Variants in ASB3 observed in about 807,000 individuals in gnomAD.
The protein encoded by ASB3 is ankyrin repeat and SOCS box protein 3.
A neutral mutation model predicts 54.5 loss-of-function variants in ASB3; 41 were observed. That is an observed-to-expected ratio of 0.75 (90% CI 0.59 to 0.98). The LOEUF is 0.98. Among genes scored for constraint, ASB3 ranks in the 50% least tolerant of loss-of-function variants. ASB3 has a pLI of 0.00. For missense variants in ASB3, 733 were observed against 620.0 expected, an observed-to-expected ratio of 1.18 and a Z score of -1.94; for synonymous variants, 266 against 221.2, an observed-to-expected ratio of 1.20 and a Z score of -1.80.
intron 9 of ASB3, among the ~76,000 whole-genome samples, chr2:53,672,668 T>A (rs182920769): frequency 2.6e-5 from 4 of 152,204 alleles, no homozygotes; most frequent in African/African-American, 9.7e-5. Flanking sequence ...GAATGCAACA[T>A]CTATGGCTTG....
At chr2:53,705,469 A>C (rs1669719047) in intron 7 of ASB3, among the ~76,000 whole-genome samples, 1 of 152,084 alleles carries the variant, frequency 6.6e-6, no homozygotes, top group Non-Finnish European at 1.5e-5. Flanking sequence ...CTTCACCTTT[A>C]CTTTTCTTTT....
intron 9 of ASB3, among the ~76,000 whole-genome samples, chr2:53,686,146 T>G (rs1668620564): frequency 6.6e-6 from 1 of 152,222 alleles, no homozygotes; most frequent in African/African-American, 2.4e-5. Flanking sequence ...CTACTCTCTA[T>G]AGCTTCCTTT....
intron 9 of ASB3, among the ~76,000 whole-genome samples, chr2:53,670,926 C>T (rs763637408): frequency 2.0e-5 from 3 of 152,104 alleles, no homozygotes; most frequent in Admixed American, 1.3e-4. Flanking sequence ...TATCCAGGGC[C>T]GCAAACACTA....
At chr2:53,691,282 G>A (rs572068983) in intron 9 of ASB3, among the ~76,000 whole-genome samples, 47 of 152,180 alleles carry the variant, frequency 3.1e-4, no homozygotes, top group African/African-American at 9.6e-4. Flanking sequence ...GAATAATTTT[G>A]ACCAAGTACA....
intron 5 of ASB3, among the ~76,000 whole-genome samples, chr2:53,721,342 C>T (rs1445567289): frequency 6.9e-6 from 1 of 145,304 alleles, no homozygotes; most frequent in African/African-American, 2.6e-5. Flanking sequence ...ATTGCCTGAG[C>T]TCAAGAGTTC....
chr2:53,714,626 C>T (rs766348723), intron 6 of ASB3, 45 bp from the exon 7 acceptor site: 9 of 1,581,322 alleles, frequency 5.7e-6, no homozygotes, highest in Non-Finnish European at 7.7e-6. Flanking sequence ...TGTATATGTG[C>T]ATAAATGTAG....
chr2:53,775,751 C>G (rs951499703), intron 1 of ASB3, among the ~76,000 whole-genome samples: 1 of 152,244 alleles, frequency 6.6e-6, no homozygotes, highest in African/African-American at 2.4e-5. Flanking sequence ...GCTAGGATTA[C>G]AGGTGTGAGC....
At chr2:53,728,649 C>T in intron 5 of ASB3, 63 bp downstream of exon 5, 2 of 1,385,842 alleles carry the variant, frequency 1.4e-6, no homozygotes, top group South Asian at 2.2e-5. Flanking sequence ...AGAATTATTC[C>T]TCTAGGAAAT....
intron 2 of ASB3, among the ~76,000 whole-genome samples, chr2:53,762,715 C>T (rs1378257936): frequency 6.6e-6 from 1 of 152,170 alleles, no homozygotes; most frequent in Non-Finnish European, 1.5e-5. Flanking sequence ...AATCTCAACA[C>T]CCATTACACC....
At chr2:53,716,952 C>T (rs1246520343) in intron 5 of ASB3, among the ~76,000 whole-genome samples, 4 of 152,134 alleles carry the variant, frequency 2.6e-5, no homozygotes, top group Non-Finnish European at 4.4e-5. Context: ...CAGGGTAGCT[C>T]ATGCCTGGAA....
chr2:53,677,168 C>T (rs1668125242), intron 9 of ASB3, among the ~76,000 whole-genome samples: 1 of 152,184 alleles, frequency 6.6e-6, no homozygotes, highest in African/African-American at 2.4e-5. Context: ...ACATGCTGTA[C>T]AAGTTTGTGG....
At chr2:53,780,865 T>C (rs1391883747) in intron 1 of ASB3, among the ~76,000 whole-genome samples, 2 of 152,134 alleles carry the variant, frequency 1.3e-5, no homozygotes, top group South Asian at 2.1e-4. Context: ...GAAAGCTTCA[T>C]AGAAAAAACA....
At chr2:53,749,990 C>T (rs1672430349) in intron 3 of ASB3, among the ~76,000 whole-genome samples, 1 of 152,042 alleles carries the variant, frequency 6.6e-6, no homozygotes, top group Admixed American at 6.5e-5. Context: ...TCACAGACAA[C>T]TCATTTCATT....
intron 9 of ASB3, among the ~76,000 whole-genome samples, chr2:53,678,208 C>G (rs1056416227): frequency 6.6e-6 from 1 of 152,048 alleles, no homozygotes; most frequent in Non-Finnish European, 1.5e-5. Context: ...CAGTACACAA[C>G]ACAGTATTTT....
intron 3 of ASB3, among the ~76,000 whole-genome samples, chr2:53,733,602 C>T (rs980843922): frequency 4.6e-5 from 7 of 152,068 alleles, no homozygotes; most frequent in Non-Finnish European, 1.0e-4. Flanking sequence ...ACACCACACC[C>T]ACCTAATTTT....
chr2:53,688,864 C>G (rs1012231487), intron 9 of ASB3, among the ~76,000 whole-genome samples: 1 of 151,820 alleles, frequency 6.6e-6, no homozygotes, highest in Non-Finnish European at 1.5e-5. Context: ...AGCAAACCAC[C>G]AGAGCACGTG....
intron 7 of ASB3, among the ~76,000 whole-genome samples, chr2:53,711,311 A>G (rs1417114049): frequency 6.6e-6 from 1 of 152,198 alleles, no homozygotes; most frequent in Non-Finnish European, 1.5e-5. Flanking sequence ...TCCTCTGACC[A>G]GAAAAACAGG....
chr2:53,709,807 G>T (rs893523213), intron 7 of ASB3, among the ~76,000 whole-genome samples: 1 of 152,110 alleles, frequency 6.6e-6, no homozygotes, highest in African/African-American at 2.4e-5. Context: ...TATTGAATCA[G>T]GGCTTGTGTA....
chr2:53,719,599 C>T (rs1310486531), intron 5 of ASB3, among the ~76,000 whole-genome samples: 1 of 151,794 alleles, frequency 6.6e-6, no homozygotes, highest in Non-Finnish European at 1.5e-5. Context: ...CCCCTTCACC[C>T]AGAGACATTC....
Sources: allele counts gnomAD v4.1 joint callset (sites outside exome capture counted in the v4.1 genomes callset), GRCh38; gene constraint gnomAD v4.1.1; transcripts MANE v1.5; gene names NCBI Gene and HGNC (gene_info 2026-07-23, HGNC 2026-07-21).